The following SAMD3 variants were observed in gnomAD, a reference collection of about 807,000 sequenced individuals.
SAMD3 encodes the protein sterile alpha motif domain containing 3.
Under a neutral mutation model 58.5 loss-of-function variants are expected in SAMD3, and 63 were observed. The ratio of observed to expected loss-of-function variants is 1.08; its 90% CI spans 0.88 to 1.33. The LOEUF is 1.33. Among genes scored for constraint, SAMD3 ranks in the 40% most tolerant of loss-of-function variants. The pLI, the probability that SAMD3 is intolerant of heterozygous loss-of-function variation, is 0.00. For synonymous variants in SAMD3, 220 were observed against 210.3 expected (o/e 1.05, Z -0.40); for missense variants, 604 against 608.4 (o/e 0.99, Z 0.08).
At chr6:130,357,131 T>C (rs1203899671) in intron 1 of SAMD3, among the ~76,000 whole-genome samples, 4 of 145,550 alleles carry the variant, frequency 2.7e-5, no homozygotes, top group African/African-American at 7.6e-5. Flanking sequence ...TTTTTTTTTT[T>C]TTTTTTTTTT....
chr6:130,323,805 A>AAAAAT (rs1776665121), intron 1 of SAMD3, among the ~76,000 whole-genome samples: 1 of 149,692 alleles, frequency 6.7e-6, no homozygotes, highest in Non-Finnish European at 1.5e-5. Context: ...TCTGTCTCAA[A>AAAAAT]AAAAAAAAAA....
chr6:130,289,508 G>C (rs626057), intron 2 of SAMD3, among the ~76,000 whole-genome samples: 42,229 of 151,752 alleles, frequency 0.28, 6,330 homozygotes, highest in East Asian at 0.45. Flanking sequence ...AATATATATA[G>C]AGAGAGAGAG....
intron 1 of SAMD3, among the ~76,000 whole-genome samples, chr6:130,323,802 CAAAA>C (rs766078214): frequency 7.5e-5 from 4 of 53,544 alleles, no homozygotes; most frequent in African/African-American, 3.3e-4. Flanking sequence ...GACTCTGTCT[CAAAA>C]AAAAAAAAAA....
At chr6:130,322,415 G>A (rs1776615576) in intron 1 of SAMD3, among the ~76,000 whole-genome samples, 1 of 152,212 alleles carries the variant, frequency 6.6e-6, no homozygotes. Flanking sequence ...GAGATGACAC[G>A]AGACATCTCC....
intron 2 of SAMD3, among the ~76,000 whole-genome samples, chr6:130,238,804 G>A (rs752022918): frequency 6.6e-6 from 1 of 152,160 alleles, no homozygotes. Flanking sequence ...TGTCGCCCAG[G>A]CTGGAGTGTA....
rs145601347 is a variant in SAMD3, at chr6:130,314,659, A to C, written c.-303-1566T>G. On this transcript the variant is annotated intron_variant, in intron 1 of 13. Transcript: ENST00000368134. ...CAAAAAGGATATTGAATTGAATTTA[A>C]TTTCAATAATTAACAAAATGATAGG... 4.3e-3 allele frequency among the ~76,000 whole-genome samples: 659 copies of C among 152,336 alleles called. 5 individuals are homozygous for C. The highest frequency in any genetic ancestry group is 0.015 in the African/African-American group (615 of 41,586).
rs1442239302 is a variant in SAMD3 at position 130,154,816 on chromosome 6, T to C, written c.1023+9A>G. The C allele has an allele frequency of 6.3e-7, 1 of 1,580,458 alleles. No homozygotes were observed. ...TATGTGTGTGTATATATATATAGAA[T>C]AAAGATACCTGATAAGGGCACTTCA... On this transcript the variant is annotated intron_variant, in intron 9 of 11. Coordinates refer to ENST00000439090, the MANE Select transcript of SAMD3 (RefSeq NM_001017373.4).
intron 2 of SAMD3, among the ~76,000 whole-genome samples, chr6:130,252,379 AT>A (rs5880012): frequency 0.16 from 24,433 of 151,560 alleles, 2,215 homozygotes; most frequent in East Asian, 0.36. Context: ...TTTACATCTC[AT>A]TTTTTTTCTT....
rs906051756 is a variant in SAMD3 at position 130,353,632 on chromosome 6, G to A, written c.-304+11488C>T. On this transcript the variant is annotated intron_variant, in intron 1 of 13. Transcript: ENST00000368134. Reference sequence around the variant, plus strand: ...CAAATTTACTACAAAAATAAAATTGGTTATCCAAAATAAGCTTTGACTTCT... The same window carrying A: ...CAAATTTACTACAAAAATAAAATTGATTATCCAAAATAAGCTTTGACTTCT... Among the ~76,000 whole-genome samples, 29 of 152,122 alleles carry A rather than the reference G, an allele frequency of 1.9e-4. 1 individual carries two copies. The highest frequency in any genetic ancestry group is 1.5e-3 in the South Asian group (7 of 4,818).
rs1185846843 is a variant in SAMD3 at position 130,145,396 on chromosome 6, G to A, written c.1222C>T (p.Leu408Phe). 2 of 1,611,260 alleles carry A rather than the reference G, an allele frequency of 1.2e-6. No individual in the cohort carries two copies. The highest frequency in any genetic ancestry group is 8.5e-7 in the Non-Finnish European group (1 of 1,178,118). Reference protein sequence around the residue: ...KYMKMTATCLLLPDVFGDDPS... With the variant: ...KYMKMTATCLFLPDVFGDDPS... ...TCATCCCCAAAAACATCTGGGAGGA[G>A]TAAACATGTGGCTGTCATCTTCATG... The change falls in exon 11 of 12, where the codon CTC becomes TTC. Residue 408 changes from leucine (L) to phenylalanine (F), a missense_variant. Leu to Phe is a conservative substitution (Grantham distance 22). Coordinates refer to ENST00000439090, the MANE Select transcript of SAMD3 (RefSeq NM_001017373.4).
chr6:130,263,562 C>A (rs1457722355), intron 2 of SAMD3, among the ~76,000 whole-genome samples: 2 of 152,148 alleles, frequency 1.3e-5, no homozygotes, highest in Non-Finnish European at 2.9e-5. Flanking sequence ...AGGGGAAAAC[C>A]CTACCAAACT....
At chr6:130,287,092 T>C (rs1415993962) in intron 2 of SAMD3, among the ~76,000 whole-genome samples, 1 of 152,212 alleles carries the variant, frequency 6.6e-6, no homozygotes, top group African/African-American at 2.4e-5. Flanking sequence ...TTCTTACCTA[T>C]CGTTTTGCTT....
chr6:130,341,617 C>A (rs1216913353), intron 1 of SAMD3, among the ~76,000 whole-genome samples: 1 of 152,082 alleles, frequency 6.6e-6, no homozygotes, highest in Non-Finnish European at 1.5e-5. Context: ...AGAACTTTGA[C>A]AATGAGGAGT....
chr6:130,308,558 T>A (rs1455635559), intron 2 of SAMD3, among the ~76,000 whole-genome samples: 2 of 151,904 alleles, frequency 1.3e-5, no homozygotes, highest in African/African-American at 4.8e-5. Context: ...ACATTGGACC[T>A]TGTAAAAGAT....
chr6:130,224,497 T>C (rs1249773519), upstream of SAMD3, among the ~76,000 whole-genome samples: 3 of 152,066 alleles, frequency 2.0e-5, no homozygotes, highest in Non-Finnish European at 4.4e-5. Context: ...GTGTTTCTCA[T>C]GAGTGACAAA....
At chr6:130,238,319 T>G (rs1305489586) in intron 2 of SAMD3, among the ~76,000 whole-genome samples, 1 of 152,180 alleles carries the variant, frequency 6.6e-6, no homozygotes, top group East Asian at 1.9e-4. Context: ...TGTGGGAAGA[T>G]AGCAAGTGGA....
chr6:130,225,734 A>G (rs1796367704), upstream of SAMD3, among the ~76,000 whole-genome samples: 1 of 152,228 alleles, frequency 6.6e-6, no homozygotes, highest in Non-Finnish European at 1.5e-5. Context: ...AAAAATATTT[A>G]TTCATATATT....
intron 4 of SAMD3, among the ~76,000 whole-genome samples, chr6:130,213,831 TA>T (rs1795787437): frequency 1.3e-5 from 2 of 152,176 alleles, no homozygotes; most frequent in African/African-American, 4.8e-5. Flanking sequence ...AGGACACTCT[TA>T]AAAAATTAGA....
intron 1 of SAMD3, among the ~76,000 whole-genome samples, chr6:130,217,211 C>A (rs1796050393): frequency 6.6e-6 from 1 of 152,158 alleles, no homozygotes; most frequent in African/African-American, 2.4e-5. Context: ...AACGTAACAT[C>A]TTTGAGTAGT....
Sources: allele counts gnomAD v4.1 joint callset (sites outside exome capture counted in the v4.1 genomes callset), GRCh38; gene constraint gnomAD v4.1.1; transcripts MANE v1.5; gene names NCBI Gene and HGNC (gene_info 2026-07-23, HGNC 2026-07-21).